The following NRXN3 variants were observed in gnomAD, a reference collection of about 807,000 sequenced individuals.
NRXN3 encodes the protein neurexin III.
NRXN3 carries 32 observed loss-of-function variants against 137.6 expected under a neutral mutation model. That is an observed-to-expected ratio of 0.23 (90% CI 0.18 to 0.31). The LOEUF is 0.31. Ranked by LOEUF, NRXN3 falls within the 10% of genes least tolerant of loss-of-function variation. The pLI, the probability that NRXN3 is intolerant of heterozygous loss-of-function variation, is 1.00. For missense variants in NRXN3, 1,574 were observed against 2,062.5 expected (o/e 0.76, Z 4.59); for synonymous variants, 798 against 784.5 (o/e 1.02, Z -0.29).
chr14:79,345,431 C>G (rs987387760), intron 15 of NRXN3, among the ~76,000 whole-genome samples: 1 of 152,152 alleles, frequency 6.6e-6, no homozygotes, highest in African/African-American at 2.4e-5. Context: ...ACCTCTGACA[C>G]AGCTCCTGTC....
chr14:78,785,485 C>T (rs761698090), intron 8 of NRXN3, among the ~76,000 whole-genome samples: 18 of 152,250 alleles, frequency 1.2e-4, no homozygotes, highest in Non-Finnish European at 2.1e-4. Context: ...AACATGGTGA[C>T]GGAGCCAGAT....
intron 4 of NRXN3, among the ~76,000 whole-genome samples, chr14:78,314,926 T>TCTTA (rs2078446345): frequency 8.6e-6 from 1 of 116,084 alleles, no homozygotes; most frequent in Non-Finnish European, 1.7e-5. Flanking sequence ...TTTCTTTCTT[T>TCTTA]CTTTCTTTCT....
intron 4 of NRXN3, among the ~76,000 whole-genome samples, chr14:78,490,358 CCTTA>C (rs749406986): frequency 2.2e-4 from 33 of 152,264 alleles, no homozygotes; most frequent in Admixed American, 5.2e-4. Context: ...ATACTCCTTA[CCTTA>C]CTTACTTCAC....
chr14:79,466,025 T>C (rs2096417375), intron 15 of NRXN3, among the ~76,000 whole-genome samples: 2 of 152,208 alleles, frequency 1.3e-5, no homozygotes, highest in Non-Finnish European at 2.9e-5. Context: ...CCCATTTGCT[T>C]TGTAAGTAGT....
intron 2 of NRXN3, among the ~76,000 whole-genome samples, chr14:78,264,509 C>G (rs1414194446): frequency 6.6e-6 from 1 of 152,118 alleles, no homozygotes; most frequent in Non-Finnish European, 1.5e-5. Flanking sequence ...AATCTGGGCC[C>G]TGTTCTTCTA....
At position 79,864,302 on chromosome 14, in the gene NRXN3, C is replaced by T. The variant is rs1358725137; in HGVS notation, c.*2338C>T. On this transcript the variant is annotated 3_prime_UTR_variant, in exon 21 of 21. Coordinates refer to ENST00000335750, the MANE Select transcript of NRXN3 (RefSeq NM_001330195.2). ...TCATATTCCTGTTTTATTAGCAGAA[C>T]CTAAAGGAATTTATTTAATGATGTT... 1 of 152,564 alleles carries T rather than the reference C, an allele frequency of 6.6e-6. No homozygotes were observed. Among genetic ancestry groups the T allele is most frequent in the Non-Finnish European group, 1.5e-5 (1 of 68,032 alleles). 9.5% of individuals were successfully genotyped at this position (152,564 alleles called of 1,614,324 possible).
intron 15 of NRXN3, among the ~76,000 whole-genome samples, chr14:79,466,274 A>G (rs2096421287): frequency 6.6e-6 from 1 of 152,082 alleles, no homozygotes; most frequent in Non-Finnish European, 1.5e-5. Context: ...CTAGGGAACA[A>G]AAAAAAGGTC....
At chr14:78,770,409 GT>G (rs756480399) in intron 8 of NRXN3, among the ~76,000 whole-genome samples, 10 of 152,140 alleles carry the variant, frequency 6.6e-5, no homozygotes, top group Non-Finnish European at 1.3e-4. Flanking sequence ...CCAGGTTCCT[GT>G]GCTCAGGGGG....
intron 2 of NRXN3, among the ~76,000 whole-genome samples, chr14:78,253,619 G>A (rs10136484): frequency 0.052 from 7,974 of 152,096 alleles, 236 homozygotes; most frequent in African/African-American, 0.066. Flanking sequence ...AGGCTGCAGT[G>A]AGCTGAAATC....
chr14:79,390,118 C>A (rs564253903), intron 15 of NRXN3, among the ~76,000 whole-genome samples: 2 of 151,964 alleles, frequency 1.3e-5, no homozygotes, highest in African/African-American at 4.8e-5. Context: ...GAGATCCAGA[C>A]CATCCTGGCT....
chr14:79,117,391 T>C (rs1262821258), intron 15 of NRXN3, among the ~76,000 whole-genome samples: 1 of 152,186 alleles, frequency 6.6e-6, no homozygotes, highest in Non-Finnish European at 1.5e-5. Flanking sequence ...ATAGGAGTTA[T>C]ATTGGTTATC....
intron 4 of NRXN3, among the ~76,000 whole-genome samples, chr14:78,356,118 A>G (rs145281433): frequency 5.9e-5 from 9 of 152,322 alleles, no homozygotes; most frequent in Non-Finnish European, 1.0e-4. Flanking sequence ...TTGACACAGA[A>G]ATTCTCACCC....
chr14:78,987,684 C>T (rs2099509804), intron 14 of NRXN3, among the ~76,000 whole-genome samples: 1 of 151,354 alleles, frequency 6.6e-6, no homozygotes, highest in Non-Finnish European at 1.5e-5. Context: ...AGTTAGCATT[C>T]TACATTAAAA....
chr14:78,381,769 G>A (rs774353339), intron 4 of NRXN3, among the ~76,000 whole-genome samples: 6 of 152,250 alleles, frequency 3.9e-5, no homozygotes, highest in Non-Finnish European at 8.8e-5. Flanking sequence ...TTAAATTATT[G>A]ATTCATTCCA....
At chr14:79,499,956 C>CATGTGTGTGTGT (rs60538373) in intron 16 of NRXN3, among the ~76,000 whole-genome samples, 26 of 145,234 alleles carry the variant, frequency 1.8e-4, no homozygotes, top group African/African-American at 4.8e-4. Flanking sequence ...ATCTTAGGGT[C>CATGTGTGTGTGT]GTGTGTGTGT....
Position 78,243,666 on chromosome 14 carries a change from C to T in NRXN3, c.573C>T (p.Ser191=). 6.3e-7 allele frequency: 1 copy of T among 1,598,402 alleles called. No individual in the cohort carries two copies. The highest frequency in any genetic ancestry group is 1.3e-5 in the African/African-American group (1 of 75,028). ...ACTCGGAGCCTCGGCTTCTGGGGAG[C>T]CGGGGTGTCCAGATGGATGCCGAGG... ...YGNSEPRLLG[S]RGVQMDAEGP... The change falls in exon 2 of 21, where the codon AGC becomes AGT. Residue 191 remains serine (S), a synonymous_variant. Transcript: ENST00000335750. This position sits in a 1 kb window ranked among gnomAD's most constrained non-coding sequence, Gnocchi z 4.2.
At chr14:79,701,412 C>T (rs950747062) in intron 19 of NRXN3, among the ~76,000 whole-genome samples, 1 of 152,104 alleles carries the variant, frequency 6.6e-6, no homozygotes, top group Non-Finnish European at 1.5e-5. Flanking sequence ...TGTGTTCACT[C>T]AGTGGCTGAC....
At chr14:79,352,225 G>T (rs2093244509) in intron 15 of NRXN3, among the ~76,000 whole-genome samples, 1 of 151,974 alleles carries the variant, frequency 6.6e-6, no homozygotes, top group Admixed American at 6.6e-5. Context: ...ATTGCCCAAT[G>T]TCAGGGTAAA....
intron 4 of NRXN3, among the ~76,000 whole-genome samples, chr14:78,367,196 G>A (rs2086093017): frequency 6.6e-6 from 1 of 152,118 alleles, no homozygotes; most frequent in African/African-American, 2.4e-5. Flanking sequence ...GGAACCAGGT[G>A]CACTCATAAA....
Sources: gnomAD v4.1 joint callset for allele counts (sites outside exome capture counted in the v4.1 genomes callset) on GRCh38, gnomAD v4.1.1 for gene constraint, Gnocchi (gnomAD v3.1) non-coding constraint, MANE v1.5 for transcripts, NCBI Gene and HGNC (gene_info 2026-07-23, HGNC 2026-07-21) for gene names.